The following PIEZO2 variants were observed in gnomAD, a reference collection of about 807,000 sequenced individuals.
PIEZO2 encodes piezo-type mechanosensitive ion channel component 2.
A neutral mutation model predicts 337.3 loss-of-function variants in PIEZO2; 172 were observed. The observed-to-expected ratio is 0.51, with a 90% confidence interval of 0.45 to 0.58. The LOEUF (loss-of-function observed/expected upper bound fraction) is 0.58. Among genes scored for constraint, PIEZO2 ranks in the 20% least tolerant of loss-of-function variants. The pLI, the probability that PIEZO2 is intolerant of heterozygous loss-of-function variation, is 0.00. For synonymous variants in PIEZO2, 1,251 were observed against 1,228.5 expected (o/e 1.02, Z -0.38); for missense variants, 3,028 against 3,391.3 (o/e 0.89, Z 2.66).
chr18:10,904,088 A>G (rs1598658840), intron 4 of PIEZO2, among the ~76,000 whole-genome samples: 2 of 152,380 alleles, frequency 1.3e-5, no homozygotes, highest in East Asian at 1.9e-4. Flanking sequence ...AACATAAAAT[A>G]TAATAGTCAG....
Position 10,750,048 on chromosome 18 carries a change from C to T in PIEZO2, c.4264+43G>A. ...AAACTAGAACAATACAACTATCCTCCCTCTTCTGCCTTTCTGCCTTCACAC... is the reference window on the plus strand; with the variant it reads ...AAACTAGAACAATACAACTATCCTCTCTCTTCTGCCTTTCTGCCTTCACAC... On this transcript the variant is annotated intron_variant, in intron 29 of 55. Transcript: ENST00000674853. The surrounding 1 kb of genome is among the most constrained non-coding windows in gnomAD (Gnocchi z 4.1). 3 of 1,382,596 alleles carry T rather than the reference C, an allele frequency of 2.2e-6. No individual in the cohort carries two copies. The highest frequency in any genetic ancestry group is 2.5e-5 in the South Asian group (2 of 80,914). 85.6% of individuals were successfully genotyped at this position (1,382,596 alleles called of 1,614,324 possible).
intron 47 of PIEZO2, among the ~76,000 whole-genome samples, chr18:10,694,761 G>T (rs1037086817): frequency 1.2e-4 from 18 of 152,158 alleles, no homozygotes; most frequent in Non-Finnish European, 4.4e-5. Flanking sequence ...TTTGAGCCCA[G>T]GAGTTCAAGG....
rs561329366 is a variant in PIEZO2, at chr18:10,755,604, G to C, written c.3923+2365C>G. Among the ~76,000 whole-genome samples the C allele has an allele frequency of 1.4e-4, 22 of 152,316 alleles. 1 individual carries two copies. In the South Asian group the frequency reaches 3.9e-3, roughly 27 times the overall value. On this transcript the variant is annotated intron_variant, in intron 27 of 55. Transcript: ENST00000674853. The stretch of plus-strand genomic sequence containing the variant: ...AATGCAGAAATGGTGAATGCATGGT[G>C]AGAGGTCGAGCACGGTTTAAGCACA...
intron 37 of PIEZO2, 144 bp from the exon 38 acceptor site, chr18:10,715,960 C>T (rs941920585): frequency 2.4e-5 from 16 of 668,438 alleles, no homozygotes; most frequent in African/African-American, 1.3e-4. Flanking sequence ...ATACTCATGA[C>T]GCACGGAGGA....
intron 55 of PIEZO2, 114 bp from the exon 56 acceptor site, chr18:10,671,893 G>A: frequency 5.1e-6 from 5 of 980,468 alleles, no homozygotes; most frequent in Non-Finnish European, 7.1e-6. Flanking sequence ...GAAGAAATAA[G>A]CAAATCAAAT....
chr18:10,788,717 A>G (rs773619291), intron 15 of PIEZO2, among the ~76,000 whole-genome samples: 13 of 152,180 alleles, frequency 8.5e-5, no homozygotes, highest in Non-Finnish European at 1.6e-4. Flanking sequence ...AGCTAGGACT[A>G]CAGGTGTGCC....
intron 2 of PIEZO2, among the ~76,000 whole-genome samples, chr18:10,992,372 T>C (rs2035143041): frequency 6.6e-6 from 1 of 152,216 alleles, no homozygotes; most frequent in Admixed American, 6.5e-5. Context: ...AGGTCTTATG[T>C]TTAAGTGCTT....
intron 3 of PIEZO2, among the ~76,000 whole-genome samples, chr18:10,971,243 A>G (rs145425654): frequency 1.4e-4 from 22 of 152,292 alleles, no homozygotes; most frequent in African/African-American, 5.1e-4. Flanking sequence ...TAGACTACCT[A>G]TGTGTAATTC....
intron 2 of PIEZO2, among the ~76,000 whole-genome samples, chr18:11,024,355 G>A (rs1305768394): frequency 6.6e-6 from 1 of 151,902 alleles, no homozygotes; most frequent in Non-Finnish European, 1.5e-5. Flanking sequence ...ACCATCCTGG[G>A]TAAGATAGTG....
intron 21 of PIEZO2, among the ~76,000 whole-genome samples, chr18:10,768,369 T>C (rs1453296166): frequency 6.6e-6 from 1 of 152,170 alleles, no homozygotes; most frequent in Non-Finnish European, 1.5e-5. Flanking sequence ...AGTCTTTTGA[T>C]TGGATGTCAT....
chr18:10,731,347 G>T, intron 36 of PIEZO2, 60 bp downstream of exon 36: 2 of 1,177,052 alleles, frequency 1.7e-6, no homozygotes, highest in Non-Finnish European at 2.4e-6. Context: ...TGCAGACAAG[G>T]CTGGGGAGCA....
At chr18:10,965,534 A>G (rs909966769) in intron 3 of PIEZO2, among the ~76,000 whole-genome samples, 17 of 152,172 alleles carry the variant, frequency 1.1e-4, no homozygotes, top group Admixed American at 2.0e-4. Flanking sequence ...CTGTCTATCT[A>G]TCTATCTTGG....
Position 10,748,551 on chromosome 18 carries a change from C to T in PIEZO2, c.4344G>A (p.Leu1448=). The part of the protein sequence containing the change: ...IWDSICFAFL[L]LQRRVFMSYY... ...AACTCATGAAAACTCTTCTTTGCAG[C>T]AGGAGGAAGGCAAAACATATGCTGT... Residue 1448 remains leucine, a synonymous_variant, in exon 30 of 56, where the codon CTG becomes CTA. Transcript: ENST00000674853. The surrounding 1 kb of genome is among the most constrained non-coding windows in gnomAD (Gnocchi z 5.1). 2 of 1,536,434 alleles carry T rather than the reference C, an allele frequency of 1.3e-6. No homozygotes were observed. The highest frequency in any genetic ancestry group is 1.7e-6 in the Non-Finnish European group (2 of 1,146,530).
At chr18:10,825,365 G>T (rs188983197) in intron 7 of PIEZO2, among the ~76,000 whole-genome samples, 130 of 152,132 alleles carry the variant, frequency 8.5e-4, no homozygotes, top group African/African-American at 3.0e-3. Flanking sequence ...GTTATGCAGG[G>T]GTTAAGGATT....
At chr18:10,818,698 T>C (rs1207244944) in intron 7 of PIEZO2, among the ~76,000 whole-genome samples, 1 of 152,192 alleles carries the variant, frequency 6.6e-6, no homozygotes, top group African/African-American at 2.4e-5. Flanking sequence ...AGATATGAGT[T>C]TGGAATTTTC....
At chr18:10,772,011 T>G (rs2038619582) in intron 20 of PIEZO2, among the ~76,000 whole-genome samples, 1 of 152,224 alleles carries the variant, frequency 6.6e-6, no homozygotes, top group Non-Finnish European at 1.5e-5. Flanking sequence ...AGAGAAGCCA[T>G]AAAATGCTTC....
In PIEZO2 at chr18:11,092,314, A is replaced by G. The variant is rs1453926264; in HGVS notation, c.65-26092T>C. ...CATCCATTTGAAATTAGCTTGACAG[A>G]GTATTTGCCAAGAGATTGTTAAACA... On this transcript the variant is annotated intron_variant, in intron 1 of 55. Transcript: ENST00000674853. This position sits in a 1 kb window ranked among gnomAD's most constrained non-coding sequence, Gnocchi z 4.5. Among the ~76,000 whole-genome samples, 1 of 152,246 alleles carries G rather than the reference A, an allele frequency of 6.6e-6. No individual in the cohort carries two copies. Among genetic ancestry groups the G allele is most frequent in the Non-Finnish European group, 1.5e-5 (1 of 68,040 alleles).
chr18:11,106,974 A>C (rs149027579), intron 1 of PIEZO2, among the ~76,000 whole-genome samples: 1 of 152,306 alleles, frequency 6.6e-6, no homozygotes, highest in African/African-American at 2.4e-5. Flanking sequence ...ATAGATCACT[A>C]AGCAGAGCTC....
intron 4 of PIEZO2, among the ~76,000 whole-genome samples, chr18:10,882,499 C>T (rs911216309): frequency 1.3e-5 from 2 of 152,174 alleles, no homozygotes; most frequent in Non-Finnish European, 2.9e-5. Flanking sequence ...ATATTAACTT[C>T]GTTTTATACA....
Sources: gnomAD v4.1 joint callset for allele counts (sites outside exome capture counted in the v4.1 genomes callset) on GRCh38, gnomAD v4.1.1 for gene constraint, Gnocchi (gnomAD v3.1) non-coding constraint, MANE v1.5 for transcripts, NCBI Gene and HGNC (gene_info 2026-07-23, HGNC 2026-07-21) for gene names.